LRRC7: variants seen among roughly 807,000 people sequenced by gnomAD.
LRRC7 encodes leucine-rich repeat-containing protein 7.
A neutral mutation model predicts 175.7 loss-of-function variants in LRRC7; 23 were observed. The ratio of observed to expected loss-of-function variants is 0.13; its 90% CI spans 0.09 to 0.19. The LOEUF is 0.19. Ranked by LOEUF, LRRC7 falls within the 10% of genes least tolerant of loss-of-function variation. The pLI is 1.00. For synonymous variants in LRRC7, 685 were observed against 680.9 expected (o/e 1.01, Z -0.09); for missense variants, 1,354 against 1,904.7 (o/e 0.71, Z 5.38).
chr1:69,874,298 G>T (rs942452748), intron 7 of LRRC7: 1 of 151,998 alleles, frequency 6.6e-6, no homozygotes, highest in African/African-American at 2.4e-5. Flanking sequence ...TCGACATAAT[G>T]GGTTCATTTG....
At chr1:69,907,132 G>A (rs1238686468) in intron 7 of LRRC7, among the ~76,000 whole-genome samples, 1 of 152,152 alleles carries the variant, frequency 6.6e-6, no homozygotes, top group Non-Finnish European at 1.5e-5. Context: ...CTTTGCTGAA[G>A]TTGCTTCTCA....
intron 2 of LRRC7, among the ~76,000 whole-genome samples, chr1:69,681,149 A>T (rs938191048): frequency 6.6e-6 from 1 of 152,150 alleles, no homozygotes; most frequent in Non-Finnish European, 1.5e-5. Context: ...GCAATGTTAG[A>T]TGGTCATTCA....
At chr1:70,070,670 C>G (rs757711380) in intron 23 of LRRC7, among the ~76,000 whole-genome samples, 2 of 152,150 alleles carry the variant, frequency 1.3e-5, no homozygotes, top group Non-Finnish European at 2.9e-5. Context: ...TCCAATTCAG[C>G]TTCCAGTGAC....
chr1:69,810,964 A>G (rs1366847017), intron 4 of LRRC7, among the ~76,000 whole-genome samples: 2 of 152,158 alleles, frequency 1.3e-5, no homozygotes, highest in African/African-American at 4.8e-5. Flanking sequence ...AGCAAAAGAA[A>G]CTATCATCAG....
At chr1:69,886,405 T>C (rs1212858361) in intron 7 of LRRC7, among the ~76,000 whole-genome samples, 1 of 151,498 alleles carries the variant, frequency 6.6e-6, no homozygotes, top group African/African-American at 2.4e-5. Flanking sequence ...CTTTGTTGGT[T>C]TAAAGTCTGT....
At chr1:69,885,148 AT>A (rs1398243274) in intron 7 of LRRC7, among the ~76,000 whole-genome samples, 3 of 99,278 alleles carry the variant, frequency 3.0e-5, no homozygotes, top group African/African-American at 1.2e-4. Flanking sequence ...GTTAGGGAGG[AT>A]TCCCTCTTTT....
intron 18 of LRRC7, 24 bp downstream of exon 18, chr1:70,028,395 G>A: frequency 6.2e-7 from 1 of 1,601,972 alleles, no homozygotes; most frequent in Non-Finnish European, 8.5e-7. Context: ...ATTGGTAATT[G>A]CCAGTGTGGT....
At chr1:69,575,887 T>G (rs1366343820) in intron 1 of LRRC7, among the ~76,000 whole-genome samples, 2 of 152,234 alleles carry the variant, frequency 1.3e-5, no homozygotes, top group South Asian at 2.1e-4. Context: ...ATCAGGAAAA[T>G]AAAATACAAT....
At chr1:70,067,548 C>G (rs80268831) in intron 23 of LRRC7, among the ~76,000 whole-genome samples, 1,921 of 152,196 alleles carry the variant, frequency 0.013, 40 homozygotes, top group African/African-American at 0.044. Flanking sequence ...TAATAAACTT[C>G]AAATCAGATA....
intron 2 of LRRC7, among the ~76,000 whole-genome samples, chr1:69,684,823 C>A (rs1241426733): frequency 6.6e-6 from 1 of 152,162 alleles, no homozygotes; most frequent in Non-Finnish European, 1.5e-5. Flanking sequence ...TGGAAGAGAG[C>A]CACCGATATC....
intron 1 of LRRC7, among the ~76,000 whole-genome samples, chr1:69,664,394 A>G (rs1458231873): frequency 1.3e-5 from 2 of 152,152 alleles, no homozygotes; most frequent in Admixed American, 6.5e-5. Context: ...ACTGTTCTCC[A>G]TAGTGGTTGT....
At chr1:69,917,783 T>C (rs1187886376) in intron 7 of LRRC7, among the ~76,000 whole-genome samples, 1 of 152,176 alleles carries the variant, frequency 6.6e-6, no homozygotes, top group Non-Finnish European at 1.5e-5. Context: ...AATGGGAATT[T>C]TTAGAGCTTC....
intron 1 of LRRC7, among the ~76,000 whole-genome samples, chr1:69,581,002 A>G (rs1646177887): frequency 1.3e-5 from 2 of 152,190 alleles, no homozygotes; most frequent in Admixed American, 6.5e-5. Context: ...TTAAATCAGA[A>G]GAGGATGGTA....
At chr1:69,802,177 G>A (rs949821020) in intron 4 of LRRC7, among the ~76,000 whole-genome samples, 1 of 151,380 alleles carries the variant, frequency 6.6e-6, no homozygotes, top group African/African-American at 2.4e-5. Context: ...ATGTGCTGAT[G>A]AGAGGAATAT....
At chr1:69,803,955 A>G (rs1676819889) in intron 4 of LRRC7, among the ~76,000 whole-genome samples, 1 of 150,962 alleles carries the variant, frequency 6.6e-6, no homozygotes, top group African/African-American at 2.4e-5. Flanking sequence ...AAATAGTACT[A>G]TTTTTGCTTG....
intron 7 of LRRC7, among the ~76,000 whole-genome samples, chr1:69,910,470 G>A (rs1481148540): frequency 6.6e-6 from 1 of 152,200 alleles, no homozygotes; most frequent in African/African-American, 2.4e-5. Context: ...GTTTGCCTGG[G>A]TATCAGCAGC....
intron 12 of LRRC7, 66 bp downstream of exon 12, chr1:70,011,992 C>A: frequency 8.6e-7 from 1 of 1,158,240 alleles, no homozygotes; most frequent in Admixed American, 1.8e-5. Context: ...AAAATCTTAA[C>A]AGGTAGAATA....
At chr1:69,754,986 C>T (rs367650997) in intron 2 of LRRC7, among the ~76,000 whole-genome samples, 1 of 151,886 alleles carries the variant, frequency 6.6e-6, no homozygotes, top group Non-Finnish European at 1.5e-5. Context: ...AACACTGTAA[C>T]TCTCAGTGTC....
At chr1:69,933,424 A>G (rs1647594216) in intron 8 of LRRC7, among the ~76,000 whole-genome samples, 1 of 152,230 alleles carries the variant, frequency 6.6e-6, no homozygotes, top group South Asian at 2.1e-4. Flanking sequence ...CAAAACTAGT[A>G]GTTTTATACT....
Sources: gnomAD v4.1 joint callset for allele counts (sites outside exome capture counted in the v4.1 genomes callset) on GRCh38, gnomAD v4.1.1 for gene constraint, MANE v1.5 for transcripts, NCBI Gene and HGNC (gene_info 2026-07-23, HGNC 2026-07-21) for gene names.